LRMDA: variants seen among roughly 807,000 people sequenced by gnomAD.
LRMDA encodes leucine rich melanocyte differentiation associated, also known as leucine-rich melanocyte differentiation-associated protein.
LRMDA carries 18 observed loss-of-function variants against 29.8 expected under a neutral mutation model. The ratio of observed to expected loss-of-function variants is 0.60; its 90% CI spans 0.42 to 0.90. The LOEUF is 0.90. Among genes scored for constraint, LRMDA ranks in the 40% least tolerant of loss-of-function variants. The probability of loss-of-function intolerance (pLI) is 0.00; values close to 1 mark genes in which losing one functional copy is unlikely to be tolerated. For synonymous variants in LRMDA, 125 were observed against 109.4 expected, an observed-to-expected ratio of 1.14 and a Z score of -0.89; for missense variants, 273 against 273.9, an observed-to-expected ratio of 1.00 and a Z score of 0.02.
intron 5 of LRMDA, among the ~76,000 whole-genome samples, chr10:76,126,362 A>AT (rs1271107440): frequency 3.3e-5 from 5 of 152,198 alleles, no homozygotes; most frequent in South Asian, 2.1e-4. Flanking sequence ...CATTCTGCAT[A>AT]TATCAATCTT....
At chr10:76,355,824 AG>A (rs1265938697) in intron 6 of LRMDA, among the ~76,000 whole-genome samples, 3 of 152,098 alleles carry the variant, frequency 2.0e-5, no homozygotes, top group African/African-American at 7.2e-5. Flanking sequence ...TGGGTTAGGG[AG>A]TATTTGGAGT....
chr10:75,520,309 G>A (rs578100959), intron 2 of LRMDA, among the ~76,000 whole-genome samples: 3 of 152,230 alleles, frequency 2.0e-5, no homozygotes, highest in East Asian at 3.9e-4. Flanking sequence ...TCACTTTCAG[G>A]TACACCCATC....
chr10:76,497,376 G>T (rs1842884697), intron 6 of LRMDA, among the ~76,000 whole-genome samples: 1 of 74,814 alleles, frequency 1.3e-5, no homozygotes, highest in South Asian at 3.6e-4. Context: ...CAAAATTATG[G>T]AGGAGAGAAA....
chr10:76,382,863 T>A (rs1361122550), intron 6 of LRMDA, among the ~76,000 whole-genome samples: 1 of 152,206 alleles, frequency 6.6e-6, no homozygotes, highest in Non-Finnish European at 1.5e-5. Flanking sequence ...AAGCATGTAC[T>A]TGTACCTCAC....
chr10:75,805,257 G>T (rs1843831250), intron 2 of LRMDA, among the ~76,000 whole-genome samples: 1 of 152,124 alleles, frequency 6.6e-6, no homozygotes, highest in Admixed American at 6.5e-5. Context: ...TGGAATAAGG[G>T]TTGGAGAAAG....
chr10:76,317,678 A>G (rs1405848006), intron 5 of LRMDA, among the ~76,000 whole-genome samples: 1 of 152,108 alleles, frequency 6.6e-6, no homozygotes, highest in African/African-American at 2.4e-5. Context: ...GGTTCAGGCA[A>G]TTCTCCTGTC....
At chr10:75,499,420 A>T (rs1845086709) in intron 2 of LRMDA, among the ~76,000 whole-genome samples, 1 of 151,912 alleles carries the variant, frequency 6.6e-6, no homozygotes, top group South Asian at 2.1e-4. Context: ...CTGGCTTCGT[A>T]CTCCCCAGCG....
At chr10:76,172,722 T>C (rs550270137) in intron 5 of LRMDA, among the ~76,000 whole-genome samples, 2 of 152,232 alleles carry the variant, frequency 1.3e-5, no homozygotes, top group Non-Finnish European at 2.9e-5. Context: ...GGGCATCCAG[T>C]AGACTACTCA....
At chr10:76,371,683 G>A (rs1450256888) in intron 6 of LRMDA, among the ~76,000 whole-genome samples, 1 of 152,180 alleles carries the variant, frequency 6.6e-6, no homozygotes, top group Non-Finnish European at 1.5e-5. Context: ...AGTGGGCTGA[G>A]TAACTTCTTT....
intron 2 of LRMDA, among the ~76,000 whole-genome samples, chr10:75,977,894 G>A (rs1404331641): frequency 6.7e-6 from 1 of 148,402 alleles, no homozygotes; most frequent in African/African-American, 2.6e-5. Context: ...ACCTCTCTGT[G>A]CCTCAGTTTC....
intron 2 of LRMDA, among the ~76,000 whole-genome samples, chr10:75,784,421 C>T (rs752254954): frequency 1.6e-4 from 25 of 152,054 alleles, no homozygotes; most frequent in Non-Finnish European, 2.8e-4. Context: ...TAATGCTGGC[C>T]GGGTGCGGTG....
chr10:75,786,948 G>T (rs747096559), intron 2 of LRMDA, among the ~76,000 whole-genome samples: 8 of 152,182 alleles, frequency 5.3e-5, no homozygotes, highest in Non-Finnish European at 1.0e-4. Context: ...AGAAAAGGCA[G>T]AGGTATCACA....
chr10:76,410,764 G>T (rs1841952322), intron 6 of LRMDA, among the ~76,000 whole-genome samples: 3 of 152,186 alleles, frequency 2.0e-5, no homozygotes, highest in African/African-American at 7.2e-5. Context: ...GACCAGCCTG[G>T]CCAACATGGT....
At chr10:76,554,178 A>T (rs11001818) in intron 6 of LRMDA, among the ~76,000 whole-genome samples, 34,098 of 152,114 alleles carry the variant, frequency 0.22, 5,246 homozygotes, top group Non-Finnish European at 0.34. Flanking sequence ...GCAGGCAGAG[A>T]CGACCCCAAG....
intron 5 of LRMDA, among the ~76,000 whole-genome samples, chr10:76,169,010 T>C (rs936700748): frequency 3.9e-5 from 6 of 152,120 alleles, no homozygotes; most frequent in Non-Finnish European, 7.4e-5. Flanking sequence ...AGAAGGACAT[T>C]CTAGGAGGGA....
intron 1 of LRMDA, 146 bp downstream of exon 1, chr10:75,431,900 C>A: frequency 2.4e-6 from 2 of 830,678 alleles, no homozygotes; most frequent in Non-Finnish European, 3.2e-6. Context: ...GGTGCTCAGG[C>A]TCGCCCTAGT....
At chr10:75,978,895 A>AACTTAATGTTTAAAATGTTTAAAAAAT (rs1847119224) in intron 2 of LRMDA, among the ~76,000 whole-genome samples, 1 of 152,178 alleles carries the variant, frequency 6.6e-6, no homozygotes, top group Admixed American at 6.5e-5. Context: ...AATTAAGTAA[A>AACTTAATGTTTAAAATGTTTAAAAAAT]TGCCGGCATA....
chr10:76,119,391 C>A (rs1012684590), intron 5 of LRMDA, among the ~76,000 whole-genome samples: 4 of 151,728 alleles, frequency 2.6e-5, no homozygotes, highest in Non-Finnish European at 4.4e-5. Flanking sequence ...GAAGAGGGAA[C>A]CTGGAAAATG....
In LRMDA at chr10:75,876,475, A is replaced by G. The variant is rs1475992125; in HGVS notation, c.132-159533A>G. ...GCTATCTTAAGGTAGATGCAGGCAT[A>G]AGAAAAAAATCGAAAGAAAAATATC... On this transcript the variant is annotated intron_variant, in intron 2 of 6. Coordinates refer to ENST00000611255, the MANE Select transcript of LRMDA (RefSeq NM_001305581.2). Among the ~76,000 whole-genome samples the G allele has an allele frequency of 2.6e-5, 4 of 152,190 alleles. No homozygotes were observed. The East Asian group carries it at 7.7e-4, about 29-fold the overall frequency.
Sources: gnomAD v4.1 joint callset for allele counts (sites outside exome capture counted in the v4.1 genomes callset) on GRCh38, gnomAD v4.1.1 for gene constraint, MANE v1.5 for transcripts, NCBI Gene and HGNC (gene_info 2026-07-23, HGNC 2026-07-21) for gene names.